Variants in DLG2 observed in about 807,000 individuals in gnomAD.
DLG2 encodes disks large homolog 2.
DLG2 carries 45 observed loss-of-function variants against 132.5 expected under a neutral mutation model. The observed-to-expected ratio is 0.34, with a 90% CI of 0.27 to 0.44. DLG2 has a LOEUF of 0.44. Ranked by LOEUF, DLG2 falls within the 20% of genes least tolerant of loss-of-function variation. DLG2 has a pLI of 1.00. For synonymous variants in DLG2, 424 were observed against 419.6 expected (o/e 1.01, Z -0.13); for missense variants, 1,045 against 1,196.9 (o/e 0.87, Z 1.87).
intron 3 of DLG2, among the ~76,000 whole-genome samples, chr11:85,410,508 A>G (rs2089215902): frequency 6.6e-6 from 1 of 151,794 alleles, no homozygotes. Flanking sequence ...ACACTTCACT[A>G]CAATCTGCCC....
intron 9 of DLG2, among the ~76,000 whole-genome samples, chr11:84,159,526 C>T (rs540268773): frequency 2.0e-5 from 3 of 152,206 alleles, no homozygotes; most frequent in South Asian, 2.1e-4. Flanking sequence ...GTTTGAGAAA[C>T]GTCAAGGTCA....
intron 15 of DLG2, among the ~76,000 whole-genome samples, chr11:83,897,658 C>G (rs1032073313): frequency 1.3e-5 from 2 of 152,076 alleles, no homozygotes; most frequent in African/African-American, 4.8e-5. Context: ...ATTTATTCCA[C>G]AAATATTTAC....
In DLG2 at chr11:83,506,819, C is replaced by T. The variant is rs138607621; in HGVS notation, c.2194-22591G>A. Among the ~76,000 whole-genome samples the T allele has an allele frequency of 5.0e-3, 754 of 152,270 alleles. 11 individuals carry two copies. Among genetic ancestry groups the T allele is most frequent in the African/African-American group, 0.017 (711 of 41,556 alleles). The stretch of plus-strand genomic sequence containing the variant: ...GTCCCATTCTTTTCCAATCAATGCC[C>T]TCACTTTAACCATAGACATCTGATG... On this transcript the variant is annotated intron_variant, in intron 21 of 27. Coordinates refer to ENST00000376104, the MANE Select transcript of DLG2 (RefSeq NM_001142699.3).
chr11:85,432,259 G>A (rs2091235984), intron 3 of DLG2, among the ~76,000 whole-genome samples: 1 of 152,160 alleles, frequency 6.6e-6, no homozygotes, highest in Non-Finnish European at 1.5e-5. Flanking sequence ...AGCTCAGAGT[G>A]CCTCTTCTCC....
intron 9 of DLG2, among the ~76,000 whole-genome samples, chr11:84,140,312 A>G (rs1018141152): frequency 2.0e-5 from 3 of 152,140 alleles, no homozygotes; most frequent in Non-Finnish European, 4.4e-5. Flanking sequence ...TTTGGAGAAT[A>G]AAATGAATAT....
chr11:85,214,818 A>G (rs2082474425), intron 4 of DLG2, among the ~76,000 whole-genome samples: 1 of 152,186 alleles, frequency 6.6e-6, no homozygotes, highest in Admixed American at 6.6e-5. Flanking sequence ...TGTAATAAAT[A>G]TTCAGTTTCT....
intron 12 of DLG2, among the ~76,000 whole-genome samples, chr11:83,979,047 C>T (rs961406631): frequency 1.3e-5 from 2 of 151,996 alleles, no homozygotes; most frequent in African/African-American, 4.8e-5. Flanking sequence ...TGTTACATTA[C>T]AAAAAAGCCC....
At chr11:85,298,764 T>C (rs1014991996) in intron 3 of DLG2, among the ~76,000 whole-genome samples, 3 of 152,040 alleles carry the variant, frequency 2.0e-5, no homozygotes, top group Non-Finnish European at 4.4e-5. Context: ...AATATTACCA[T>C]CTGATTTTGA....
chr11:83,794,288 G>T (rs529086860), intron 17 of DLG2, among the ~76,000 whole-genome samples: 1 of 152,186 alleles, frequency 6.6e-6, no homozygotes, highest in South Asian at 2.1e-4. Context: ...AACTTTTCAA[G>T]ATCACTTTGA....
intron 6 of DLG2, among the ~76,000 whole-genome samples, chr11:84,681,117 G>A (rs1355585731): frequency 1.3e-5 from 2 of 152,136 alleles, no homozygotes; most frequent in East Asian, 3.9e-4. Flanking sequence ...TCACACAGTT[G>A]CTAAACCTCT....
At chr11:84,858,683 T>C (rs185717050) in intron 6 of DLG2, among the ~76,000 whole-genome samples, 125 of 152,198 alleles carry the variant, frequency 8.2e-4, no homozygotes, top group Middle Eastern at 6.8e-3. Context: ...ACTCAATTAC[T>C]TGAGACAAGT....
chr11:84,654,870 C>T (rs1448347948), intron 6 of DLG2, among the ~76,000 whole-genome samples: 1 of 152,188 alleles, frequency 6.6e-6, no homozygotes, highest in Non-Finnish European at 1.5e-5. Context: ...TTTCAGCAGA[C>T]TTCTTACCAC....
chr11:84,750,894 A>C (rs1488443420), intron 6 of DLG2, among the ~76,000 whole-genome samples: 1 of 152,204 alleles, frequency 6.6e-6, no homozygotes, highest in Non-Finnish European at 1.5e-5. Flanking sequence ...GTACCTAATT[A>C]ACACTTCCCA....
chr11:85,251,034 C>A (rs185397941), intron 4 of DLG2, among the ~76,000 whole-genome samples: 1 of 152,090 alleles, frequency 6.6e-6, no homozygotes, highest in African/African-American at 2.4e-5. Flanking sequence ...GATTTATTTA[C>A]GAAATCCATA....
intron 7 of DLG2, among the ~76,000 whole-genome samples, chr11:84,466,049 T>A (rs926405300): frequency 6.6e-6 from 1 of 151,228 alleles, no homozygotes; most frequent in Non-Finnish European, 1.5e-5. Flanking sequence ...GAATTTAGTG[T>A]ATGATAAAGT....
chr11:85,470,578 C>T (rs2092953472), intron 3 of DLG2, among the ~76,000 whole-genome samples: 1 of 152,074 alleles, frequency 6.6e-6, no homozygotes, highest in Admixed American at 6.6e-5. Flanking sequence ...TAAAAGTTAG[C>T]TGGGCATGGT....
At chr11:84,036,401 A>C (rs1431986369) in intron 11 of DLG2, among the ~76,000 whole-genome samples, 1 of 106,200 alleles carries the variant, frequency 9.4e-6, no homozygotes, top group Non-Finnish European at 2.0e-5. Context: ...CAAGTAAGCC[A>C]GAAGCTCCAA....
intron 6 of DLG2, among the ~76,000 whole-genome samples, chr11:85,070,724 A>G (rs1335829213): frequency 2.0e-5 from 3 of 151,826 alleles, no homozygotes; most frequent in Non-Finnish European, 2.9e-5. Context: ...ATCACTTACC[A>G]TCCACCCTCT....
intron 6 of DLG2, among the ~76,000 whole-genome samples, chr11:84,873,938 A>G (rs914392409): frequency 2.0e-5 from 3 of 152,214 alleles, no homozygotes; most frequent in Non-Finnish European, 4.4e-5. Flanking sequence ...ATGATGGTCA[A>G]ATCTGAACGA....
Sources: gnomAD v4.1 joint callset for allele counts (sites outside exome capture counted in the v4.1 genomes callset) on GRCh38, gnomAD v4.1.1 for gene constraint, MANE v1.5 for transcripts, NCBI Gene and HGNC (gene_info 2026-07-23, HGNC 2026-07-21) for gene names.